ANKRD13C: variants seen among roughly 807,000 people sequenced by gnomAD.
ANKRD13C encodes the protein ankyrin repeat domain 13C.
Under a neutral mutation model 65.5 loss-of-function variants are expected in ANKRD13C, and 16 were observed. The ratio of observed to expected loss-of-function variants is 0.24; its 90% confidence interval spans 0.17 to 0.37. The LOEUF is 0.37. ANKRD13C is among the 10% of genes least tolerant of loss of function. ANKRD13C has a pLI of 1.00. For missense variants in ANKRD13C, 503 were observed against 655.9 expected, an observed-to-expected ratio of 0.77 and a Z score of 2.55; for synonymous variants, 235 against 238.7, an observed-to-expected ratio of 0.98 and a Z score of 0.14.
At chr1:70,300,674 G>T in intron 7 of ANKRD13C, 90 bp downstream of exon 7, 1 of 1,263,508 alleles carries the variant, frequency 7.9e-7, no homozygotes. Context: ...TATACCTTAA[G>T]CTTTTAAGCA....
intron 12 of ANKRD13C, among the ~76,000 whole-genome samples, chr1:70,270,329 A>G (rs1678823589): frequency 6.6e-6 from 1 of 152,212 alleles, no homozygotes; most frequent in African/African-American, 2.4e-5. Flanking sequence ...ATCAAGTAGA[A>G]TAAGAATTCT....
chr1:70,315,648 A>G, intron 3 of ANKRD13C, 82 bp from the exon 4 acceptor site: 1 of 1,045,974 alleles, frequency 9.6e-7, no homozygotes, highest in Non-Finnish European at 1.4e-6. Flanking sequence ...ACATATAGAT[A>G]GATAATACAT....
At chr1:70,316,036 A>T (rs577671569) in intron 3 of ANKRD13C, among the ~76,000 whole-genome samples, 1 of 152,322 alleles carries the variant, frequency 6.6e-6, no homozygotes, top group South Asian at 2.1e-4. Context: ...CTCAAGGAAG[A>T]TCTCAAAAAC....
At chr1:70,348,409 G>A (rs1276388492) in intron 1 of ANKRD13C, among the ~76,000 whole-genome samples, 3 of 152,036 alleles carry the variant, frequency 2.0e-5, no homozygotes, top group Non-Finnish European at 2.9e-5. Context: ...AGGATTACAG[G>A]TGCGCGCGAC....
chr1:70,338,569 T>G (rs1392628637), intron 1 of ANKRD13C, among the ~76,000 whole-genome samples: 3 of 151,904 alleles, frequency 2.0e-5, no homozygotes, highest in Non-Finnish European at 4.4e-5. Context: ...CCGGCTACTT[T>G]TTATATTTTT....
intron 12 of ANKRD13C, among the ~76,000 whole-genome samples, chr1:70,268,170 T>TC (rs1678715149): frequency 1.3e-5 from 2 of 150,154 alleles, no homozygotes; most frequent in African/African-American, 5.0e-5. Flanking sequence ...TACAGCTAGC[T>TC]TCCCCGCCCC....
At chr1:70,279,388 T>C (rs61785288) in intron 9 of ANKRD13C, among the ~76,000 whole-genome samples, 12,238 of 152,142 alleles carry the variant, frequency 0.08, 564 homozygotes, top group South Asian at 0.21. Flanking sequence ...ACTCCTTTCC[T>C]GTCCTTGGAA....
At position 70,276,849 on chromosome 1, in the gene ANKRD13C, C is replaced by CAAA; in HGVS notation, c.1216-8_1216-6dup. ...AAGAGACTGTCTTCGAATCGGCTGC[C>CAAA]AAAAAAAAAAAAGAAAGAAAGTGGG... On this transcript the variant is annotated splice_polypyrimidine_tract_variant and splice_region_variant and intron_variant, in intron 9 of 12. Transcript: ENST00000370944. The CAAA allele has an allele frequency of 5.6e-6, 7 of 1,260,508 alleles. No individual in the cohort carries two copies. Among genetic ancestry groups the CAAA allele is most frequent in the South Asian group, 3.0e-5 (2 of 67,444 alleles). 78.1% of individuals were successfully genotyped at this position (1,260,508 alleles called of 1,614,324 possible). A position where few individuals can be genotyped will look rare whatever the true frequency, so the allele number is the denominator to read the frequency against.
intron 1 of ANKRD13C, among the ~76,000 whole-genome samples, chr1:70,345,369 C>T (rs977808462): frequency 4.6e-5 from 7 of 151,154 alleles, no homozygotes; most frequent in African/African-American, 9.8e-5. Context: ...GCAGAGGTTG[C>T]GGTGAGCCGA....
intron 2 of ANKRD13C, among the ~76,000 whole-genome samples, chr1:70,326,022 G>A (rs547851844): frequency 6.6e-5 from 10 of 151,674 alleles, no homozygotes; most frequent in South Asian, 4.2e-4. Context: ...ACCTGAGGTC[G>A]GGAGTTCCAG....
At chr1:70,295,309 G>C (rs1161361432) in intron 8 of ANKRD13C, among the ~76,000 whole-genome samples, 1 of 151,668 alleles carries the variant, frequency 6.6e-6, no homozygotes, top group African/African-American at 2.4e-5. Flanking sequence ...GTGCAGTGGT[G>C]CCATCTCGGC....
chr1:70,301,968 G>A (rs1680376127), intron 6 of ANKRD13C, among the ~76,000 whole-genome samples: 3 of 152,088 alleles, frequency 2.0e-5, no homozygotes, highest in Admixed American at 6.6e-5. Flanking sequence ...TTAAGGCTCC[G>A]TGAAAAATCC....
At chr1:70,277,411 C>T (rs554751982) in intron 9 of ANKRD13C, among the ~76,000 whole-genome samples, 1 of 149,094 alleles carries the variant, frequency 6.7e-6, no homozygotes, top group Non-Finnish European at 1.5e-5. Flanking sequence ...GAGCCGAGAT[C>T]GTGCCACTGC....
chr1:70,309,546 G>A (rs957321414), intron 5 of ANKRD13C, among the ~76,000 whole-genome samples: 2 of 149,304 alleles, frequency 1.3e-5, no homozygotes, highest in Admixed American at 6.7e-5. Flanking sequence ...GTGAAATCCC[G>A]TCTGTACTAA....
chr1:70,274,930 T>C, intron 10 of ANKRD13C, 112 bp from the exon 11 acceptor site: 1 of 689,146 alleles, frequency 1.5e-6, no homozygotes, highest in Non-Finnish European at 2.5e-6. Context: ...TTTTTCTTAC[T>C]CTGTCTACAG....
At chr1:70,318,391 C>T (rs1681158834) in intron 3 of ANKRD13C, among the ~76,000 whole-genome samples, 1 of 152,202 alleles carries the variant, frequency 6.6e-6, no homozygotes, top group African/African-American at 2.4e-5. Context: ...CTATGCCCTA[C>T]TGCTCCAAGT....
At chr1:70,339,906 G>C (rs910760368) in intron 1 of ANKRD13C, among the ~76,000 whole-genome samples, 2 of 150,284 alleles carry the variant, frequency 1.3e-5, no homozygotes, top group Non-Finnish European at 3.0e-5. Context: ...CTGGAGTATA[G>C]TGGCAAAATC....
At position 70,283,505 on chromosome 1, in the gene ANKRD13C, T is replaced by A. The variant is rs147855245; in HGVS notation, c.1216-6661A>T. On this transcript the variant is annotated intron_variant, in intron 9 of 12. Transcript: ENST00000370944. ...ATGTATTTTATTATGTATTCCTCTT[T>A]AGATTTTTAAATAAAGAAAAAAAAA... Among the ~76,000 whole-genome samples the A allele has an allele frequency of 5.9e-5, 9 of 151,740 alleles. No homozygotes were observed. The East Asian group carries it at 1.7e-3, about 29-fold the overall frequency.
At chr1:70,277,946 G>A (rs374545635) in intron 9 of ANKRD13C, among the ~76,000 whole-genome samples, 1 of 151,772 alleles carries the variant, frequency 6.6e-6, no homozygotes, top group South Asian at 2.1e-4. Flanking sequence ...CCAATACTTC[G>A]GGAGACAAAG....
Sources: gnomAD v4.1 joint callset for allele counts (sites outside exome capture counted in the v4.1 genomes callset) on GRCh38, gnomAD v4.1.1 for gene constraint, MANE v1.5 for transcripts, NCBI Gene and HGNC (gene_info 2026-07-23, HGNC 2026-07-21) for gene names.